Variants in ASCC3 observed in about 807,000 individuals in gnomAD.
The protein encoded by ASCC3 is activating signal cointegrator 1 complex subunit 3.
In ASCC3, 158 loss-of-function variants were observed where a neutral mutation model predicts 256.3. That is an observed-to-expected ratio of 0.62 (90% CI 0.54 to 0.70). The LOEUF (loss-of-function observed/expected upper bound fraction) is 0.70, where lower values mean the gene tolerates loss of function less well. Among genes scored for constraint, ASCC3 ranks in the 30% least tolerant of loss-of-function variants. The pLI is 0.00. For missense variants in ASCC3, 2,259 were observed against 2,626.0 expected, an observed-to-expected ratio of 0.86 and a Z score of 3.05; for synonymous variants, 948 against 883.4, an observed-to-expected ratio of 1.07 and a Z score of -1.30.
chr6:100,828,106 A>AAC (rs1771416256), intron 4 of ASCC3, among the ~76,000 whole-genome samples: 1 of 151,398 alleles, frequency 6.6e-6, no homozygotes, highest in African/African-American at 2.4e-5. Flanking sequence ...AAAAAAAAAA[A>AAC]AACGAAAAAA....
At chr6:100,573,958 T>C (rs899247848) in intron 36 of ASCC3, among the ~76,000 whole-genome samples, 2 of 152,098 alleles carry the variant, frequency 1.3e-5, no homozygotes, top group Non-Finnish European at 2.9e-5. Flanking sequence ...GATAGGCTGG[T>C]AACTCTTTGG....
At chr6:100,653,030 T>G (rs750357455) in intron 17 of ASCC3, 141 bp from the exon 18 acceptor site, 53 of 783,612 alleles carry the variant, frequency 6.8e-5, no homozygotes, top group Middle Eastern at 7.1e-4. Flanking sequence ...TACATTTTTC[T>G]ACATTTAGGA....
chr6:100,597,109 G>A, intron 34 of ASCC3, among the ~76,000 whole-genome samples: 1 of 152,056 alleles, frequency 6.6e-6, no homozygotes, highest in East Asian at 1.9e-4. Flanking sequence ...CACCCTTAAT[G>A]AGGCCCACCC....
chr6:100,872,826 C>T (rs1200045800), intron 1 of ASCC3, among the ~76,000 whole-genome samples: 1 of 152,086 alleles, frequency 6.6e-6, no homozygotes, highest in African/African-American at 2.4e-5. Context: ...AGCCATATCC[C>T]TAGGAAAAGG....
At chr6:100,545,255 G>A (rs1362897862) in intron 36 of ASCC3, among the ~76,000 whole-genome samples, 2 of 152,022 alleles carry the variant, frequency 1.3e-5, no homozygotes, top group Non-Finnish European at 2.9e-5. Flanking sequence ...TCGGTTCACC[G>A]CAACCTCTAC....
Position 100,578,897 on chromosome 6 carries a change from C to G in ASCC3, c.5550+10737G>C, listed in dbSNP as rs539519073. Among the ~76,000 whole-genome samples, 8 of 151,890 alleles carry G rather than the reference C, an allele frequency of 5.3e-5. No homozygotes were observed. The East Asian group carries it at 7.7e-4, about 15-fold the overall frequency. ...CATTTCTACCAGCAACATATTTTGACAAATTGTCACACTGCTTTCCACAAC... is the reference window on the plus strand; with the variant it reads ...CATTTCTACCAGCAACATATTTTGAGAAATTGTCACACTGCTTTCCACAAC... On this transcript the variant is annotated intron_variant, in intron 36 of 41. Transcript: ENST00000369162.
chr6:100,537,149 A>G (rs1775200857), intron 37 of ASCC3, among the ~76,000 whole-genome samples: 1 of 152,202 alleles, frequency 6.6e-6, no homozygotes, highest in Non-Finnish European at 1.5e-5. Context: ...GTAACTCTAT[A>G]GTGAAGAAGG....
intron 36 of ASCC3, among the ~76,000 whole-genome samples, chr6:100,574,132 C>T (rs1046673244): frequency 6.6e-6 from 1 of 152,120 alleles, no homozygotes; most frequent in Non-Finnish European, 1.5e-5. Flanking sequence ...TATAAATCTC[C>T]TTAAAAAATA....
At chr6:100,639,940 C>G (rs1472496359) in intron 24 of ASCC3, among the ~76,000 whole-genome samples, 1 of 152,018 alleles carries the variant, frequency 6.6e-6, no homozygotes, top group Non-Finnish European at 1.5e-5. Context: ...CATGGCAAAA[C>G]CCCATCTCTA....
chr6:100,694,310 T>TG (rs1777974832), intron 13 of ASCC3, among the ~76,000 whole-genome samples: 1 of 144,466 alleles, frequency 6.9e-6, no homozygotes, highest in African/African-American at 2.6e-5. Context: ...CTAGAATAAA[T>TG]TAAAAAAAAA....
intron 13 of ASCC3, among the ~76,000 whole-genome samples, chr6:100,713,301 A>G (rs1778939414): frequency 6.6e-6 from 1 of 152,170 alleles, no homozygotes; most frequent in Non-Finnish European, 1.5e-5. Context: ...CCTATCACTA[A>G]GTGAAGAAAA....
rs946394884 is a variant in ASCC3 at position 100,676,764 on chromosome 6, A to T, written c.2286+2854T>A. On this transcript the variant is annotated intron_variant, in intron 14 of 41. Coordinates refer to ENST00000369162, the MANE Select transcript of ASCC3 (RefSeq NM_006828.4). ...CGCGCGTGCGCGCACACACACACTC[A>T]CACACACACACACACACACAAAAGG... 6.1e-4 allele frequency among the ~76,000 whole-genome samples: 19 copies of T among 31,188 alleles called. 1 individual carries two copies. In the East Asian group the frequency reaches 0.024, roughly 39 times the overall value. The allele number at this position is 31,188 out of a possible 152,430, so 20.5% of individuals were successfully genotyped here. A position where few individuals can be genotyped will look rare whatever the true frequency, so the allele number is the denominator to read the frequency against.
chr6:100,727,783 A>C (rs1245257966), intron 10 of ASCC3, among the ~76,000 whole-genome samples: 1 of 152,136 alleles, frequency 6.6e-6, no homozygotes, highest in Admixed American at 6.6e-5. Context: ...TTCACAAAGA[A>C]CTGAGCCAGA....
chr6:100,525,233 T>C (rs922647229), intron 37 of ASCC3, among the ~76,000 whole-genome samples: 7 of 147,068 alleles, frequency 4.8e-5, no homozygotes, highest in African/African-American at 1.0e-4. Flanking sequence ...ATGACAAAGG[T>C]TGAAGTGAGG....
Position 100,767,316 on chromosome 6 carries a change from C to T in ASCC3, c.1425G>A (p.Lys475=). The T allele has an allele frequency of 6.2e-7, 1 of 1,606,356 alleles. No homozygotes were observed. Among genetic ancestry groups the T allele is most frequent in the Non-Finnish European group, 8.5e-7 (1 of 1,178,356 alleles). Reference sequence around the variant, plus strand: ...CTATTGACTGGATTCTATTGAGTCTCTTCATTCCTTTAAAAGCCAGCTGTC... The same window carrying T: ...CTATTGACTGGATTCTATTGAGTCTTTTCATTCCTTTAAAAGCCAGCTGTC... ...EIGQLAFKGM[K]RLNRIQSIVF... Residue 475 remains lysine (K), a synonymous_variant, in exon 9 of 42, where the codon AAG becomes AAA. Transcript: ENST00000369162.
intron 8 of ASCC3, among the ~76,000 whole-genome samples, chr6:100,786,554 A>T (rs1232742845): frequency 1.3e-5 from 2 of 152,172 alleles, no homozygotes; most frequent in African/African-American, 4.8e-5. Context: ...AAAGACTTTG[A>T]GCAAACTAGT....
intron 10 of ASCC3, among the ~76,000 whole-genome samples, chr6:100,732,165 C>CAAAAAAAAAAA (rs386408063): frequency 9.5e-6 from 1 of 105,116 alleles, no homozygotes; most frequent in Admixed American, 9.5e-5. Flanking sequence ...CGTCTCAAAA[C>CAAAAAAAAAAA]AAAAAAAAAA....
rs1404617878 is a variant in ASCC3, at chr6:100,509,525, T to C, written c.6470A>G (p.Tyr2157Cys). 6.2e-7 allele frequency: 1 copy of C among 1,611,476 alleles called. No homozygotes were observed. The highest frequency in any genetic ancestry group is 1.7e-5 in the Admixed American group (1 of 60,030). Residue 2157 changes from tyrosine (Y) to cysteine (C), a missense_variant, in exon 42 of 42, where the codon TAC becomes TGC. Around this residue, in one of 2 missense-constraint regions of ASCC3, gnomAD observed 1,839 missense variants for 2,206.7 expected, o/e 0.83. Coordinates refer to ENST00000369162, the MANE Select transcript of ASCC3 (RefSeq NM_006828.4). The part of the protein sequence containing the change: ...YTPEIPGRYI[Y>C]TLYFMSDCYL... ...GCAGTCACTCATGAAATATAATGTG[T>C]AGATATACCTAAAATATAAAAATAG...
At chr6:100,595,033 T>C (rs1056586755) in intron 34 of ASCC3, among the ~76,000 whole-genome samples, 7 of 152,098 alleles carry the variant, frequency 4.6e-5, no homozygotes, top group African/African-American at 1.7e-4. Context: ...ATGTCAGTTA[T>C]CAGAGGCCAT....
Sources: gnomAD v4.1 joint callset for allele counts (sites outside exome capture counted in the v4.1 genomes callset) on GRCh38, gnomAD v4.1.1 for gene constraint, gnomAD v4.1.1 regional missense constraint, MANE v1.5 for transcripts, NCBI Gene and HGNC (gene_info 2026-07-23, HGNC 2026-07-21) for gene names.